Variants in TUBGCP3 observed in about 807,000 individuals in gnomAD.
The protein encoded by TUBGCP3 is gamma-tubulin complex component 3.
TUBGCP3 carries 50 observed loss-of-function variants against 123.1 expected under a neutral mutation model. The ratio of observed to expected loss-of-function variants is 0.41; its 90% CI spans 0.32 to 0.51. The LOEUF (loss-of-function observed/expected upper bound fraction) is 0.51. Ranked by LOEUF, TUBGCP3 falls within the 20% of genes least tolerant of loss-of-function variation. TUBGCP3 has a pLI of 0.36. For synonymous variants in TUBGCP3, 405 were observed against 413.9 expected (o/e 0.98, Z 0.26); for missense variants, 882 against 1,127.0 (o/e 0.78, Z 3.11).
chr13:112,591,025 C>T (rs1882873051), upstream of TUBGCP3, among the ~76,000 whole-genome samples: 2 of 152,188 alleles, frequency 1.3e-5, no homozygotes, highest in African/African-American at 4.8e-5. Flanking sequence ...TAAGTAAAAA[C>T]TGTTATTTAG....
Position 112,511,681 on chromosome 13 carries a change from AT to A in TUBGCP3, c.2086+4758del. 6.6e-6 allele frequency among the ~76,000 whole-genome samples: 1 copy of A among 151,942 alleles called. No homozygotes were observed. The highest frequency in any genetic ancestry group is 1.5e-5 in the Non-Finnish European group (1 of 68,024). The stretch of plus-strand genomic sequence containing the variant: ...GGTTAAAAGGAAAACCAAAAAAAAA[AT>A]GTAGTATGAGCTATTAAACCTTCAT... On this transcript the variant is annotated intron_variant, in intron 17 of 21. Coordinates refer to ENST00000261965, the MANE Select transcript of TUBGCP3 (RefSeq NM_006322.6). This position sits in a 1 kb window ranked among gnomAD's most constrained non-coding sequence, Gnocchi z 4.1.
At chr13:112,566,805 A>G (rs1880981184) in intron 2 of TUBGCP3, among the ~76,000 whole-genome samples, 1 of 152,224 alleles carries the variant, frequency 6.6e-6, no homozygotes, top group Non-Finnish European at 1.5e-5. Context: ...TTGATTCTCT[A>G]TTAAATTTTA....
chr13:112,585,066 G>C (rs1277035916), intron 1 of TUBGCP3, among the ~76,000 whole-genome samples: 4 of 152,114 alleles, frequency 2.6e-5, no homozygotes, highest in African/African-American at 9.7e-5. Flanking sequence ...TTTTTTAAAA[G>C]ATACCTTATA....
intron 17 of TUBGCP3, among the ~76,000 whole-genome samples, chr13:112,515,493 T>C (rs534662062): frequency 6.6e-6 from 1 of 152,248 alleles, no homozygotes; most frequent in African/African-American, 2.4e-5. Context: ...TGTGAAACCA[T>C]GGAGAAAGGA....
upstream of TUBGCP3, chr13:112,588,180 T>G (rs1882772772): frequency 4.8e-6 from 2 of 419,100 alleles, no homozygotes; most frequent in East Asian, 7.6e-5. Context: ...GCCCCGCTTC[T>G]TCCCTGCGCC....
rs1383064335 is a variant in TUBGCP3, at chr13:112,535,663, T to C, written c.1336-8179A>G. Among the ~76,000 whole-genome samples, 5 of 152,238 alleles carry C rather than the reference T, an allele frequency of 3.3e-5. 1 individual carries two copies. In the South Asian group the frequency reaches 8.3e-4, roughly 25 times the overall value. On this transcript the variant is annotated intron_variant, in intron 11 of 21. Transcript: ENST00000261965. ...GAGTTGTGATAGTTCTTTATGTATT[T>C]GGGATGGGATACTAGACCATTATCA...
At chr13:112,527,805 C>T (rs1308249778) in intron 11 of TUBGCP3, among the ~76,000 whole-genome samples, 2 of 152,336 alleles carry the variant, frequency 1.3e-5, no homozygotes, top group Middle Eastern at 3.4e-3. Context: ...ACGGTGCAGG[C>T]TTTTGGGGTT....
chr13:112,538,551 C>T (rs1878252111), intron 11 of TUBGCP3, among the ~76,000 whole-genome samples: 2 of 152,150 alleles, frequency 1.3e-5, no homozygotes, highest in Non-Finnish European at 2.9e-5. Context: ...CTTTCTTCTC[C>T]CTGTTCAAAT....
At chr13:112,596,412 A>G in the TUBGCP3 span, among the ~76,000 whole-genome samples, 2 of 152,192 alleles carry the variant, frequency 1.3e-5, no homozygotes, top group Non-Finnish European at 2.9e-5. Context: ...CACTTGATAA[A>G]TGTTGTGCCA....
intron 3 of TUBGCP3, among the ~76,000 whole-genome samples, chr13:112,563,620 T>G (rs1880696245): frequency 6.6e-6 from 1 of 151,216 alleles, no homozygotes; most frequent in Non-Finnish European, 1.5e-5. Context: ...TCCCACCACT[T>G]TGGGAGGCCG....
chr13:112,572,056 C>T (rs1881439692), intron 1 of TUBGCP3, among the ~76,000 whole-genome samples: 4 of 152,160 alleles, frequency 2.6e-5, no homozygotes, highest in African/African-American at 9.7e-5. Context: ...CAATTTATTA[C>T]TCTTGTGTTC....
intron 21 of TUBGCP3, among the ~76,000 whole-genome samples, chr13:112,487,312 T>C (rs1411905970): frequency 6.6e-6 from 1 of 152,216 alleles, no homozygotes; most frequent in Non-Finnish European, 1.5e-5. Context: ...CTGCCGTCGC[T>C]GGCACCGCCA....
chr13:112,534,400 G>C (rs1201969622), intron 11 of TUBGCP3, among the ~76,000 whole-genome samples: 1 of 152,140 alleles, frequency 6.6e-6, no homozygotes, highest in Non-Finnish European at 1.5e-5. Flanking sequence ...CAAAAAATTA[G>C]CCGGGCGTGG....
chr13:112,486,419 A>G (rs879141907), intron 21 of TUBGCP3, among the ~76,000 whole-genome samples: 1 of 152,226 alleles, frequency 6.6e-6, no homozygotes, highest in Admixed American at 6.5e-5. Flanking sequence ...ACAACTAACC[A>G]ACAGGTTTTT....
chr13:112,555,919 G>GCTTAT, intron 6 of TUBGCP3, 133 bp downstream of exon 6: 1 of 1,053,390 alleles, frequency 9.5e-7, no homozygotes. Context: ...CAGGGACTCT[G>GCTTAT]GACTTCATCA....
intron 4 of TUBGCP3, 35 bp downstream of exon 4, chr13:112,559,287 G>A (rs753052919): frequency 1.5e-5 from 24 of 1,574,650 alleles, no homozygotes; most frequent in South Asian, 9.4e-5. Context: ...AGGGTGTCCC[G>A]ACGGACACGA....
chr13:112,519,972 C>T lies in TUBGCP3; in HGVS notation c.1795G>A (p.Gly599Arg). ...GCTCTGACAGCGGTTTCTAGAATTCCAGTCAAGTTATGCTGATACAAAGTC... is the reference window on the plus strand; with the variant it reads ...GCTCTGACAGCGGTTTCTAGAATTCTAGTCAAGTTATGCTGATACAAAGTC... ...ATTLYQHNLT[G>R]ILETAVRATN... is the part of the protein sequence containing the mutation. Residue 599 changes from glycine to arginine, a missense_variant, in exon 15 of 22, where the codon GGA becomes AGA. By Grantham distance (125) the Gly-to-Arg change is moderately radical. Around this residue, in one of 3 missense-constraint regions of TUBGCP3, gnomAD observed 713 missense variants for 874.0 expected, o/e 0.82. Transcript: ENST00000261965. The surrounding 1 kb of genome is among the most constrained non-coding windows in gnomAD (Gnocchi z 6.2). 1 of 1,614,010 alleles carries T rather than the reference C, an allele frequency of 6.2e-7. No homozygotes were observed. Among genetic ancestry groups the T allele is most frequent in the Non-Finnish European group, 8.5e-7 (1 of 1,179,884 alleles).
At chr13:112,503,968 C>T in intron 19 of TUBGCP3, 64 bp downstream of exon 19, 1 of 1,539,626 alleles carries the variant, frequency 6.5e-7, no homozygotes, top group Non-Finnish European at 8.8e-7. Flanking sequence ...CCCCATTTGA[C>T]AGGAACCCAA....
At chr13:112,496,761 C>T (rs979207664) in intron 20 of TUBGCP3, among the ~76,000 whole-genome samples, 7 of 152,026 alleles carry the variant, frequency 4.6e-5, no homozygotes, top group East Asian at 1.9e-4. Flanking sequence ...CCGAGGCGGG[C>T]GGATCATGAG....
Sources: allele counts gnomAD v4.1 joint callset (sites outside exome capture counted in the v4.1 genomes callset), GRCh38; gene constraint gnomAD v4.1.1; regional missense constraint gnomAD v4.1.1; non-coding constraint Gnocchi (gnomAD v3.1); transcripts MANE v1.5; gene names NCBI Gene and HGNC (gene_info 2026-07-23, HGNC 2026-07-21).